The following JAK1 variants were observed in gnomAD, a reference collection of about 807,000 sequenced individuals.
JAK1 encodes Janus kinase 1.
A neutral mutation model predicts 136.6 loss-of-function variants in JAK1; 16 were observed. That is an observed-to-expected ratio of 0.12 (90% CI 0.08 to 0.18). The LOEUF is 0.18. Among genes scored for constraint, JAK1 ranks in the 10% least tolerant of loss-of-function variants. The pLI, the probability that JAK1 is intolerant of heterozygous loss-of-function variation, is 1.00. For synonymous variants in JAK1, 492 were observed against 519.5 expected (o/e 0.95, Z 0.72); for missense variants, 859 against 1,450.1 (o/e 0.59, Z 6.62).
At chr1:64,916,498 G>A (rs974745895) in intron 1 of JAK1, among the ~76,000 whole-genome samples, 5 of 152,094 alleles carry the variant, frequency 3.3e-5, no homozygotes, top group Non-Finnish European at 7.4e-5. Context: ...TTTGCTGTAG[G>A]TAAATAATAT....
At chr1:64,863,248 C>G (rs1323430959) in intron 8 of JAK1, among the ~76,000 whole-genome samples, 1 of 144,136 alleles carries the variant, frequency 6.9e-6, no homozygotes, top group Admixed American at 7.0e-5. Flanking sequence ...GCATATGACA[C>G]GGGGCCTAAA....
At chr1:64,983,307 TAAGGGC>T (rs1007121158) in intron 2 of JAK1, among the ~76,000 whole-genome samples, 10 of 152,084 alleles carry the variant, frequency 6.6e-5, no homozygotes, top group African/African-American at 2.4e-4. Context: ...TCAATCCCCC[TAAGGGC>T]ACTCGGCACA....
intron 1 of JAK1, among the ~76,000 whole-genome samples, chr1:64,913,633 G>GAGGGAGGGAGGGAGGAAGGAAGGA: frequency 1.2e-5 from 1 of 80,020 alleles, no homozygotes; most frequent in African/African-American, 5.4e-5. Context: ...GGGAGGGAGG[G>GAGGGAGGGAGGGAGGAAGGAAGGA]AGGAAGGGAG....
intron 1 of JAK1, among the ~76,000 whole-genome samples, chr1:65,059,984 A>G (rs1190275160): frequency 6.6e-6 from 1 of 152,194 alleles, no homozygotes; most frequent in African/African-American, 2.4e-5. Flanking sequence ...TCTTCAGAAA[A>G]GCAACATCCA....
At chr1:65,041,786 C>T (rs1179419963) in intron 2 of JAK1, among the ~76,000 whole-genome samples, 1 of 152,178 alleles carries the variant, frequency 6.6e-6, no homozygotes, top group Non-Finnish European at 1.5e-5. Context: ...CGCCTGTAAT[C>T]CCAGCACTTT....
At chr1:64,934,574 G>A (rs966593106) in intron 1 of JAK1, among the ~76,000 whole-genome samples, 3 of 152,172 alleles carry the variant, frequency 2.0e-5, no homozygotes, top group East Asian at 1.9e-4. Flanking sequence ...CCACAAGAGT[G>A]CCCCCTCAAC....
chr1:64,979,917 T>C (rs561041835), intron 2 of JAK1: 13 of 152,348 alleles, frequency 8.5e-5, no homozygotes, highest in Admixed American at 7.2e-4. Context: ...GGCATTTATA[T>C]CCTTCCCAGA....
In JAK1 at chr1:64,886,248, A is replaced by C. The variant is rs1334655138; in HGVS notation, c.6+11T>G. On this transcript the variant is annotated intron_variant, in intron 2 of 24. Coordinates refer to ENST00000342505, the MANE Select transcript of JAK1 (RefSeq NM_002227.4). Reference sequence around the variant, plus strand: ...TATTTTCCTTTTTTAAAAATATGCAAATCTACATACCTGCATTTATTCAGC... The same window carrying C: ...TATTTTCCTTTTTTAAAAATATGCACATCTACATACCTGCATTTATTCAGC... 1 of 1,568,024 alleles carries C rather than the reference A, an allele frequency of 6.4e-7. No individual in the cohort carries two copies. The highest frequency in any genetic ancestry group is 1.1e-5 in the South Asian group (1 of 86,966).
chr1:64,884,879 G>T (rs1053936786), intron 2 of JAK1, among the ~76,000 whole-genome samples: 4 of 152,134 alleles, frequency 2.6e-5, no homozygotes, highest in Non-Finnish European at 4.4e-5. Flanking sequence ...CTTGAGATAA[G>T]AACTGAGTCA....
chr1:65,058,523 G>A lies in JAK1; in HGVS notation c.-181+9081C>T, dbSNP rs150129220. 7.2e-4 allele frequency: 381 copies of A among 532,446 alleles called. 2 individuals are homozygous for A. Among genetic ancestry groups the A allele is most frequent in the African/African-American group, 6.0e-3 (311 of 51,976 alleles). 33.0% of individuals were successfully genotyped at this position (532,446 alleles called of 1,614,324 possible). ...GAGCCAGGGCAGCCTGTCAGTCACT[G>A]TGTCGGTCAACGGCATCCTTTCTGG... is the stretch of plus-strand genomic sequence containing the variant. On this transcript the variant is annotated intron_variant, in intron 1 of 25. Transcript: ENST00000671954.
In JAK1 at chr1:64,838,009, G is replaced by A. The variant is rs1406245251; in HGVS notation, c.3063C>T (p.Asp1021=). ...VESEHQVKIG[D]FGLTKAIETD... ...TTTCAATTGCTTTGGTTAAACCGAAGTCTCCAATTTTCACTTGGTGTTCAC... is the reference window on the plus strand; with the variant it reads ...TTTCAATTGCTTTGGTTAAACCGAAATCTCCAATTTTCACTTGGTGTTCAC... The change falls in exon 22 of 25, where the codon GAC becomes GAT. Residue 1021 remains aspartate, a synonymous_variant. Coordinates refer to ENST00000342505, the MANE Select transcript of JAK1 (RefSeq NM_002227.4). The A allele has an allele frequency of 9.9e-6, 16 of 1,614,040 alleles. No homozygotes were observed. The East Asian group carries it at 3.6e-4, about 36-fold the overall frequency.
rs1027111012 is a variant in JAK1, at chr1:64,860,540, G to A, written c.1177-278C>T. On this transcript the variant is annotated intron_variant, in intron 8 of 24. Transcript: ENST00000342505. The stretch of plus-strand genomic sequence containing the variant: ...GAGATCTCGGCTCACTGCAACCTCC[G>A]CCTCCTGGGTCCAAGCGATTCTTCT... Among the ~76,000 whole-genome samples the A allele has an allele frequency of 1.2e-4, 18 of 149,710 alleles. No homozygotes were observed. In the East Asian group the frequency reaches 1.4e-3, roughly 12 times the overall value.
At chr1:64,834,726 T>A (rs1038964886) in intron 24 of JAK1, 69 bp from the exon 25 acceptor site, 10 of 992,070 alleles carry the variant, frequency 1.0e-5, no homozygotes, top group Non-Finnish European at 1.6e-5. Flanking sequence ...AACAGAAATA[T>A]CAAGAGTAAG....
At chr1:64,959,001 A>G (rs1317302052) in intron 1 of JAK1, among the ~76,000 whole-genome samples, 2 of 152,256 alleles carry the variant, frequency 1.3e-5, no homozygotes, top group Non-Finnish European at 2.9e-5. Flanking sequence ...CAGCCTTTTC[A>G]GCTGAAGTGG....
chr1:65,009,087 G>C (rs544704057), intron 2 of JAK1, among the ~76,000 whole-genome samples: 2 of 152,112 alleles, frequency 1.3e-5, no homozygotes, highest in South Asian at 2.1e-4. Context: ...ATAATAAAAT[G>C]TTAGAAACAA....
intron 2 of JAK1, among the ~76,000 whole-genome samples, chr1:65,021,189 G>A (rs940076807): frequency 5.9e-5 from 9 of 152,138 alleles, no homozygotes; most frequent in African/African-American, 1.4e-4. Flanking sequence ...GAGTAGATCC[G>A]AAGTGATGAG....
chr1:64,998,584 T>C (rs1027144031), intron 2 of JAK1, among the ~76,000 whole-genome samples: 3 of 152,218 alleles, frequency 2.0e-5, no homozygotes, highest in African/African-American at 4.8e-5. Flanking sequence ...AGGATGTTGA[T>C]ATGGTTTGGC....
chr1:64,855,874 CAACT>C (rs57083232), intron 10 of JAK1, among the ~76,000 whole-genome samples, 176 bp from the exon 11 acceptor site: 9,363 of 152,148 alleles, frequency 0.062, 501 homozygotes, highest in African/African-American at 0.15. Context: ...ATCCAACCAA[CAACT>C]AACTAAATAA....
intron 20 of JAK1, among the ~76,000 whole-genome samples, 200 bp from the exon 21 acceptor site, chr1:64,838,789 G>A (rs914363346): frequency 6.6e-5 from 10 of 152,168 alleles, no homozygotes; most frequent in Admixed American, 5.9e-4. Context: ...TACCTCACAG[G>A]CATAAGCACT....
Sources: gnomAD v4.1 joint callset for allele counts (sites outside exome capture counted in the v4.1 genomes callset) on GRCh38, gnomAD v4.1.1 for gene constraint, MANE v1.5 for transcripts, NCBI Gene and HGNC (gene_info 2026-07-23, HGNC 2026-07-21) for gene names.